Variants in TTC14 observed in about 807,000 individuals in gnomAD.
TTC14 encodes the protein tetratricopeptide repeat domain 14.
In TTC14, 63 loss-of-function variants were observed where a neutral mutation model predicts 79.9. The observed-to-expected ratio is 0.79, with a 90% CI of 0.64 to 0.97. TTC14 has a LOEUF of 0.97. Among genes scored for constraint, TTC14 ranks in the 50% least tolerant of loss-of-function variants. The probability of loss-of-function intolerance (pLI) is 0.00; values close to 1 mark genes in which losing one functional copy is unlikely to be tolerated. For synonymous variants in TTC14, 335 were observed against 309.6 expected (o/e 1.08, Z -0.86); for missense variants, 895 against 894.0 (o/e 1.00, Z -0.01).
In TTC14 at chr3:180,605,817, C is replaced by T. The variant is rs142175453; in HGVS notation, c.909C>T (p.Ser303=). ...CTTCTGCATTGAGAAAAAAACAATCCGCATCTTGGGCTTTAAAATGGTATG... is the reference window on the plus strand; with the variant it reads ...CTTCTGCATTGAGAAAAAAACAATCTGCATCTTGGGCTTTAAAATGGTATG... The part of the protein sequence containing the change: ...DFASALRKKQ[S]ASWALKCVKI... The change falls in exon 7 of 12, where the codon TCC becomes TCT. Residue 303 remains serine, a synonymous_variant. Coordinates refer to ENST00000296015, the MANE Select transcript of TTC14 (RefSeq NM_133462.4). 31 of 1,571,000 alleles carry T rather than the reference C, an allele frequency of 2.0e-5. No homozygotes were observed. The highest frequency in any genetic ancestry group is 8.4e-5 in the African/African-American group (6 of 71,126).
At position 180,608,827 on chromosome 3, in the gene TTC14, A is replaced by C. The variant is rs780438161; in HGVS notation, c.1400+17A>C. The C allele has an allele frequency of 2.7e-6, 4 of 1,463,652 alleles. No individual in the cohort carries two copies. The Admixed American group carries it at 1.2e-4, about 43-fold the overall frequency. The allele number at this position is 1,463,652 out of a possible 1,614,324, so 90.7% of individuals were successfully genotyped here. A position where few individuals can be genotyped will look rare whatever the true frequency, so the allele number is the denominator to read the frequency against. ...AGAGAAGAGGTAAACTATAATATTCAGTATTTTTAAACTTAAGGCAACTAC... is the reference window on the plus strand; with the variant it reads ...AGAGAAGAGGTAAACTATAATATTCCGTATTTTTAAACTTAAGGCAACTAC... On this transcript the variant is annotated intron_variant, in intron 11 of 11. Transcript: ENST00000296015.
chr3:180,613,706 A>G (rs1240311909), downstream of TTC14: 4 of 363,458 alleles, frequency 1.1e-5, no homozygotes, highest in Non-Finnish European at 2.1e-5. Flanking sequence ...AAACTAGCAC[A>G]GGGCTGAGAA....
At position 180,603,188 on chromosome 3, in the gene TTC14, G is replaced by A; in HGVS notation, c.351G>A (p.Glu117=). The change falls in exon 3 of 12, where the codon GAG becomes GAA. Residue 117 remains glutamate, a synonymous_variant. Transcript: ENST00000296015. ...FMEIPSMDRR[E]LFFRDIERGD... ...AGATACCTAGTATGGATCGGAGAGA[G>A]CTGTTTTTCCGAGATATTGAGCGTG... 1 of 1,614,022 alleles carries A rather than the reference G, an allele frequency of 6.2e-7. No individual in the cohort carries two copies.
At chr3:180,603,519 A>AT (rs1332492280) in intron 3 of TTC14, 196 bp downstream of exon 3, 7 of 569,992 alleles carry the variant, frequency 1.2e-5, no homozygotes, top group Non-Finnish European at 2.2e-5. Context: ...GGTTTTTGGG[A>AT]TTTTTTAAAT....
chr3:180,603,470 A>G, intron 3 of TTC14, 147 bp downstream of exon 3: 1 of 733,120 alleles, frequency 1.4e-6, no homozygotes, highest in South Asian at 1.8e-5. Context: ...ATAGTTTAAA[A>G]AAATTAGTGT....
rs774873749 is a variant in TTC14 at position 180,608,824 on chromosome 3, T to C, written c.1400+14T>C. The stretch of plus-strand genomic sequence containing the variant: ...AGAAGAGAAGAGGTAAACTATAATA[T>C]TCAGTATTTTTAAACTTAAGGCAAC... On this transcript the variant is annotated intron_variant, in intron 11 of 11. Transcript: ENST00000296015. 4 of 1,474,642 alleles carry C rather than the reference T, an allele frequency of 2.7e-6. No homozygotes were observed. Among genetic ancestry groups the C allele is most frequent in the Non-Finnish European group, 3.6e-6 (4 of 1,116,358 alleles). 91.3% of individuals were successfully genotyped at this position (1,474,642 alleles called of 1,614,324 possible). A position where few individuals can be genotyped will look rare whatever the true frequency, so the allele number is the denominator to read the frequency against.
rs2108387541 is a variant in TTC14 at position 180,602,183 on chromosome 3, T to G, written c.-79T>G. On this transcript the variant is annotated 5_prime_UTR_variant, in exon 1 of 12. Coordinates refer to ENST00000296015, the MANE Select transcript of TTC14 (RefSeq NM_133462.4). ...CCTCCAGACAGTTTCTTCCGCTTCCTGTACCACCCGGCTCAAGTAGCGGAC... is the reference window on the plus strand; with the variant it reads ...CCTCCAGACAGTTTCTTCCGCTTCCGGTACCACCCGGCTCAAGTAGCGGAC... The G allele has an allele frequency of 1.0e-5, 16 of 1,554,884 alleles. No individual in the cohort carries two copies. Among genetic ancestry groups the G allele is most frequent in the Non-Finnish European group, 1.4e-5 (16 of 1,148,332 alleles).
At position 180,610,365 on chromosome 3, in the gene TTC14, T is replaced by TGAAA; in HGVS notation, c.2139_2142dup (p.Glu715LysfsTer21). 6.2e-7 allele frequency: 1 copy of TGAAA among 1,613,480 alleles called. No homozygotes were observed. Among genetic ancestry groups the TGAAA allele is most frequent in the Non-Finnish European group, 8.5e-7 (1 of 1,179,836 alleles). ...GTTTAAATACAAATCAAGGAGAATA[T>TGAAA]GAAAGAGAGGACAATTATGGGGAGG... On this transcript the variant is annotated frameshift_variant, in exon 12 of 12. Transcript: ENST00000296015. LOFTEE classifies it high-confidence loss of function.
rs542425893 is a variant in TTC14, at chr3:180,607,483, G to A, written c.1173-165G>A. Among the ~76,000 whole-genome samples, 33 of 152,242 alleles carry A rather than the reference G, an allele frequency of 2.2e-4. 1 individual carries two copies. In the East Asian group the frequency reaches 6.0e-3, roughly 28 times the overall value. ...TAAGATTTCTGTTTATGTGGTCTAT[G>A]AAATAAATTACAGTAAAAAGCATAT... On this transcript the variant is annotated intron_variant, in intron 9 of 11. Coordinates refer to ENST00000296015, the MANE Select transcript of TTC14 (RefSeq NM_133462.4).
rs2108390640 is a variant in TTC14, at chr3:180,603,731, A to C, written c.486+408A>C. On this transcript the variant is annotated intron_variant, in intron 3 of 11. Coordinates refer to ENST00000296015, the MANE Select transcript of TTC14 (RefSeq NM_133462.4). ...TATATATTTACAATAATTAAATGTA[A>C]GTGGTTTGTACATTATATTAAGATA... 4 of 243,816 alleles carry C rather than the reference A, an allele frequency of 1.6e-5. No homozygotes were observed. The South Asian group carries it at 2.0e-4, about 12-fold the overall frequency. The allele number at this position is 243,816 out of a possible 1,614,324, so 15.1% of individuals were successfully genotyped here.
Position 180,610,997 on chromosome 3 carries a change from T to C in TTC14, c.*455T>C, listed in dbSNP as rs1003437860. 3 of 937,182 alleles carry C rather than the reference T, an allele frequency of 3.2e-6. No individual in the cohort carries two copies. The African/African-American group carries it at 5.3e-5, about 17-fold the overall frequency. 58.1% of individuals were successfully genotyped at this position (937,182 alleles called of 1,614,324 possible). ...AAAGATTATATGTTCGAATGTTTCT[T>C]GAACACTTTTATATTTATCAGTTTA... is the stretch of plus-strand genomic sequence containing the variant. On this transcript the variant is annotated 3_prime_UTR_variant, in exon 12 of 12. Transcript: ENST00000296015.
intron 12 of TTC14, chr3:180,616,202 C>A: frequency 8.4e-7 from 1 of 1,190,896 alleles, no homozygotes; most frequent in Non-Finnish European, 1.2e-6. Flanking sequence ...CTAACAGCTG[C>A]GGTGATGTAG....
Position 180,607,075 on chromosome 3 carries a change from C to T in TTC14, c.1172+472C>T, listed in dbSNP as rs79821854. 9.5e-3 allele frequency among the ~76,000 whole-genome samples: 1,454 copies of T among 152,270 alleles called. 26 individuals carry two copies. The highest frequency in any genetic ancestry group is 0.034 in the African/African-American group (1,398 of 41,556). ...TCCTTTGTTTCCCATATCCAGTCTA[C>T]TGACACAAAAGTGATCCCATTGTAT... On this transcript the variant is annotated intron_variant, in intron 9 of 11. Transcript: ENST00000296015.
exon 13 of TTC14, chr3:180,617,497 C>G (rs1318193477): frequency 1.5e-6 from 1 of 673,694 alleles, no homozygotes; most frequent in Non-Finnish European, 2.7e-6. Flanking sequence ...GTTACTGACC[C>G]TGAAGACCTT....
chr3:180,604,763 T>C, intron 5 of TTC14, 89 bp from the exon 6 acceptor site: 1 of 1,445,016 alleles, frequency 6.9e-7, no homozygotes, highest in Non-Finnish European at 9.3e-7. Context: ...ATGGAATTAG[T>C]ATTTAAACCT....
In TTC14 at chr3:180,607,751, CATAAATAT is replaced by C; in HGVS notation, c.1279_1286del (p.Lys427AlafsTer12). Reference sequence around the variant, plus strand: ...TGCAGAGGATGCTTTGCAGAAACTTCATAAATATATGCAGGTGATTCCTTATTTCCTCT... The same window carrying C: ...TGCAGAGGATGCTTTGCAGAAACTTCATGCAGGTGATTCCTTATTTCCTCT... On this transcript the variant is annotated frameshift_variant, in exon 10 of 12. Transcript: ENST00000296015. LOFTEE classifies it high-confidence loss of function. 6.2e-7 allele frequency: 1 copy of C among 1,611,146 alleles called. No homozygotes were observed. Among genetic ancestry groups the C allele is most frequent in the Non-Finnish European group, 8.5e-7 (1 of 1,178,830 alleles).
chr3:180,605,708 T>C, intron 6 of TTC14, 58 bp from the exon 7 acceptor site: 1 of 1,302,372 alleles, frequency 7.7e-7, no homozygotes, highest in Non-Finnish European at 1.1e-6. Flanking sequence ...CAGAGTTAAG[T>C]ATAGTTACTT....
In TTC14 at chr3:180,616,632, G is replaced by A. The variant is rs1423596492; in HGVS notation, c.1775-748G>A. The A allele has an allele frequency of 6.3e-7, 1 of 1,595,818 alleles. No homozygotes were observed. Among genetic ancestry groups the A allele is most frequent in the Admixed American group, 1.7e-5 (1 of 57,470 alleles). On this transcript the variant is annotated intron_variant, in intron 12 of 12. Coordinates refer to the TTC14 transcript ENST00000382584. Reference sequence around the variant, plus strand: ...TTCATTTCACGAAGTTTGATGTCTTGTTCTTCCATTGTTTCATCTTTTGTG... The same window carrying A: ...TTCATTTCACGAAGTTTGATGTCTTATTCTTCCATTGTTTCATCTTTTGTG...
At chr3:180,613,024 A>T (rs1226379328), downstream of TTC14, among the ~76,000 whole-genome samples, 1 of 152,150 alleles carries the variant, frequency 6.6e-6, no homozygotes. Context: ...ATTAAAACCA[A>T]ATGAGATATC....
Sources: allele counts gnomAD v4.1 joint callset (sites outside exome capture counted in the v4.1 genomes callset), GRCh38; gene constraint gnomAD v4.1.1; transcripts MANE v1.5; gene names NCBI Gene and HGNC (gene_info 2026-07-23, HGNC 2026-07-21).